DEPDC1: variants seen among roughly 807,000 people sequenced by gnomAD.
DEPDC1 encodes DEP domain containing 1, also known as DEP domain-containing protein 1A.
A neutral mutation model predicts 86.8 loss-of-function variants in DEPDC1; 66 were observed. The ratio of observed to expected loss-of-function variants is 0.76; its 90% confidence interval spans 0.62 to 0.93. DEPDC1 has a LOEUF of 0.93. Ranked by LOEUF, DEPDC1 falls within the 40% of genes least tolerant of loss-of-function variation. DEPDC1 has a pLI of 0.00. For missense variants in DEPDC1, 792 were observed against 935.7 expected (o/e 0.85, Z 2.00); for synonymous variants, 255 against 314.9 (o/e 0.81, Z 2.02).
In DEPDC1 at chr1:68,482,687, T is replaced by C. The variant is rs537683509; in HGVS notation, c.1121A>G (p.Glu374Gly). The change falls in exon 8 of 12, where the codon GAA (glutamate) becomes GGA (glycine). Residue 374 changes from glutamate (E) to glycine (G), a missense_variant. By Grantham distance (98) the Glu-to-Gly change is moderately conservative. Transcript: ENST00000456315. ...TAGCTGCATTTTCTTAGCACATCTTTCTTGAAATCCTGGATTGCTTATCTG... is the reference window on the plus strand; with the variant it reads ...TAGCTGCATTTTCTTAGCACATCTTCCTTGAAATCCTGGATTGCTTATCTG... Reference protein sequence around the residue: ...RLQISNPGFQERCAKKMQLVN... With the variant: ...RLQISNPGFQGRCAKKMQLVN... The C allele has an allele frequency of 6.2e-7, 1 of 1,612,478 alleles. No individual in the cohort carries two copies. Among genetic ancestry groups the C allele is most frequent in the East Asian group, 2.2e-5 (1 of 44,826 alleles).
chr1:68,495,558 C>G (rs942352789), intron 1 of DEPDC1, among the ~76,000 whole-genome samples: 6 of 152,188 alleles, frequency 3.9e-5, no homozygotes, highest in Admixed American at 6.5e-5. Flanking sequence ...TGATATTGAG[C>G]TGCTCACTCT....
chr1:68,481,875 T>C (rs1308433902), intron 8 of DEPDC1, 171 bp downstream of exon 8: 2 of 695,634 alleles, frequency 2.9e-6, no homozygotes, highest in Admixed American at 7.3e-5. Context: ...ATAAGTTCCT[T>C]AGGTAAACAG....
At chr1:68,477,425 G>A (rs528593389) in intron 11 of DEPDC1, among the ~76,000 whole-genome samples, 1 of 151,448 alleles carries the variant, frequency 6.6e-6, no homozygotes, top group South Asian at 2.1e-4. Flanking sequence ...GTGGCTACTG[G>A]GCTTTCAGAG....
chr1:68,487,541 G>T (rs1354392778), intron 5 of DEPDC1, among the ~76,000 whole-genome samples: 7 of 151,820 alleles, frequency 4.6e-5, no homozygotes, highest in Admixed American at 3.9e-4. Flanking sequence ...TTAAATGAGG[G>T]AATATACTGT....
rs778160517 is a variant in DEPDC1, at chr1:68,482,662, T to G, written c.1146A>C (p.Leu382=). ...TCACTCTTCTGTTTCTTAAATTAAC[T>G]AGCTGCATTTTCTTAGCACATCTTT... The part of the protein sequence containing the change: ...FQERCAKKMQ[L]VNLRNRRVSA... Residue 382 remains leucine, a synonymous_variant, in exon 8 of 12, where the codon CTA becomes CTC. Coordinates refer to ENST00000456315, the MANE Select transcript of DEPDC1 (RefSeq NM_001114120.3). 2 of 1,612,668 alleles carry G rather than the reference T, an allele frequency of 1.2e-6. No individual in the cohort carries two copies. Among genetic ancestry groups the G allele is most frequent in the Admixed American group, 3.3e-5 (2 of 59,772 alleles).
intron 6 of DEPDC1, 103 bp from the exon 7 acceptor site, chr1:68,484,193 T>C: frequency 1.2e-6 from 1 of 867,808 alleles, no homozygotes. Context: ...AGGAGCTAGG[T>C]TTAACAACAA....
intron 8 of DEPDC1, 33 bp downstream of exon 8, chr1:68,482,013 T>G (rs1390335416): frequency 6.5e-7 from 1 of 1,526,728 alleles, no homozygotes; most frequent in Non-Finnish European, 8.8e-7. Context: ...CACTCAAAGT[T>G]AATATTGCAT....
chr1:68,492,620 T>C (rs928861168), intron 2 of DEPDC1, among the ~76,000 whole-genome samples: 1 of 152,108 alleles, frequency 6.6e-6, no homozygotes, highest in African/African-American at 2.4e-5. Flanking sequence ...GGTGGGAGGA[T>C]AGCTTGAACC....
intron 2 of DEPDC1, among the ~76,000 whole-genome samples, chr1:68,492,401 T>C (rs894193820): frequency 7.2e-5 from 11 of 152,166 alleles, no homozygotes; most frequent in African/African-American, 2.4e-4. Context: ...TATAGTTTTG[T>C]TACGATCGTA....
At chr1:68,491,690 C>T (rs1646229517) in intron 2 of DEPDC1, among the ~76,000 whole-genome samples, 1 of 152,050 alleles carries the variant, frequency 6.6e-6, no homozygotes, top group African/African-American at 2.4e-5. Flanking sequence ...ATTTCTTTTC[C>T]ATGCTTTTAT....
In DEPDC1 at chr1:68,496,712, G is replaced by C. The variant is rs113827207; in HGVS notation, c.48+240C>G. 1,830 of 438,280 alleles carry C rather than the reference G, an allele frequency of 4.2e-3. 29 individuals carry two copies. The highest frequency in any genetic ancestry group is 0.034 in the African/African-American group (1,681 of 48,818). 27.1% of individuals were successfully genotyped at this position (438,280 alleles called of 1,614,324 possible). A position where few individuals can be genotyped will look rare whatever the true frequency, so the allele number is the denominator to read the frequency against. ...TCGCTCCTCATAGCGAGTCTGGTGC[G>C]GCCTACGCGCGGCGCTTCCTTTCGG... On this transcript the variant is annotated intron_variant, in intron 1 of 11. Transcript: ENST00000456315. This position sits in a 1 kb window ranked among gnomAD's most constrained non-coding sequence, Gnocchi z 4.0.
In DEPDC1 at chr1:68,476,578, C is replaced by A. The variant is rs1646116203; in HGVS notation, c.*354G>T. 6.2e-6 allele frequency: 1 copy of A among 160,078 alleles called. No homozygotes were observed. The highest frequency in any genetic ancestry group is 2.4e-5 in the African/African-American group (1 of 41,778). 9.9% of individuals were successfully genotyped at this position (160,078 alleles called of 1,614,324 possible). A position where few individuals can be genotyped will look rare whatever the true frequency, so the allele number is the denominator to read the frequency against. ...TCATTAGCTAATATCTCAGAACTTG[C>A]ACATTTGCAGATAAATTTTCTTTTA... On this transcript the variant is annotated 3_prime_UTR_variant, in exon 12 of 12. Transcript: ENST00000456315.
Position 68,476,719 on chromosome 1 carries a change from AT to A in DEPDC1, c.*212del, listed in dbSNP as rs1646117417. The A allele has an allele frequency of 2.5e-6, 1 of 400,156 alleles. No homozygotes were observed. Among genetic ancestry groups the A allele is most frequent in the Non-Finnish European group, 4.4e-6 (1 of 225,722 alleles). 24.8% of individuals were successfully genotyped at this position (400,156 alleles called of 1,614,324 possible). A position where few individuals can be genotyped will look rare whatever the true frequency, so the allele number is the denominator to read the frequency against. ...GATAGCTGTGTTAAAAACAAAAAGT[AT>A]TTGGTATCATCTATTGTTATGTGCT... On this transcript the variant is annotated 3_prime_UTR_variant, in exon 12 of 12. Transcript: ENST00000456315.
In DEPDC1 at chr1:68,497,011, C is replaced by A. The variant is rs1571209508; in HGVS notation, c.-12G>T. 6.2e-7 allele frequency: 1 copy of A among 1,611,012 alleles called. No individual in the cohort carries two copies. The highest frequency in any genetic ancestry group is 8.5e-7 in the Non-Finnish European group (1 of 1,178,142). On this transcript the variant is annotated 5_prime_UTR_variant, in exon 1 of 12. Transcript: ENST00000456315. ...CCCTGACTCTCCATAGGTCTGTCAG[C>A]GCCCGGTGGCGTCCATGGCGGCGAA...
At chr1:68,492,227 G>A (rs914572791) in intron 2 of DEPDC1, among the ~76,000 whole-genome samples, 2 of 152,036 alleles carry the variant, frequency 1.3e-5, no homozygotes, top group Non-Finnish European at 2.9e-5. Context: ...AAAATGCACT[G>A]AATTTCTATT....
chr1:68,485,374 AAAG>A (rs1243075528), intron 6 of DEPDC1, among the ~76,000 whole-genome samples: 3 of 152,186 alleles, frequency 2.0e-5, no homozygotes, highest in African/African-American at 7.2e-5. Flanking sequence ...ATTTGCACTA[AAAG>A]AAGATACTCT....
rs1319344579 is a variant in DEPDC1, at chr1:68,496,470, T to G, written c.48+482A>C. Among the ~76,000 whole-genome samples, 1 of 152,224 alleles carries G rather than the reference T, an allele frequency of 6.6e-6. No individual in the cohort carries two copies. The highest frequency in any genetic ancestry group is 6.5e-5 in the Admixed American group (1 of 15,282). The stretch of plus-strand genomic sequence containing the variant: ...TTGAAACAGGCAGCTGTTATCCTAG[T>G]GCTATTCGGCCGATACATCCTGCGT... On this transcript the variant is annotated intron_variant, in intron 1 of 11. Transcript: ENST00000456315. This position sits in a 1 kb window ranked among gnomAD's most constrained non-coding sequence, Gnocchi z 4.0.
At chr1:68,483,909 CTT>C (rs1409839105) in intron 7 of DEPDC1, 39 bp downstream of exon 7, 1 of 1,267,106 alleles carries the variant, frequency 7.9e-7, no homozygotes, top group Non-Finnish European at 1.1e-6. Context: ...AAGTTGAAAA[CTT>C]TAACAAAATG....
chr1:68,496,335 A>C lies in DEPDC1; in HGVS notation c.48+617T>G, dbSNP rs182923422. ...CCTAACGTCACATAACCAGCACCAC[A>C]GTATCCTATAGAACCGAAGACCCAA... On this transcript the variant is annotated intron_variant, in intron 1 of 11. Transcript: ENST00000456315. The surrounding 1 kb of genome is among the most constrained non-coding windows in gnomAD (Gnocchi z 4.0). 1.2e-4 allele frequency among the ~76,000 whole-genome samples: 19 copies of C among 152,300 alleles called. No individual in the cohort carries two copies. The East Asian group carries it at 3.3e-3, about 26-fold the overall frequency.
Sources: gnomAD v4.1 joint callset for allele counts (sites outside exome capture counted in the v4.1 genomes callset) on GRCh38, gnomAD v4.1.1 for gene constraint, Gnocchi (gnomAD v3.1) non-coding constraint, MANE v1.5 for transcripts, NCBI Gene and HGNC (gene_info 2026-07-23, HGNC 2026-07-21) for gene names.